Variants in SURF1 observed in about 807,000 individuals in gnomAD.
SURF1 encodes the protein surfeit locus protein 1.
Under a neutral mutation model 34.1 loss-of-function variants are expected in SURF1, and 45 were observed. The observed-to-expected ratio is 1.32, with a 90% CI of 1.04 to 1.69. SURF1 has a LOEUF of 1.69. Among genes scored for constraint, SURF1 ranks in the 40% most tolerant of loss-of-function variants. The probability of loss-of-function intolerance (pLI) is 0.00; values close to 1 mark genes in which losing one functional copy is unlikely to be tolerated. For synonymous variants in SURF1, 188 were observed against 147.5 expected (o/e 1.27, Z -1.99); for missense variants, 456 against 384.6 (o/e 1.19, Z -1.55).
At position 133,351,918 on chromosome 9, in the gene SURF1, C is replaced by G. The variant is rs2130002526; in HGVS notation, c.898G>C (p.Val300Leu). ...FKKFLRGTPG[V>L] The stretch of plus-strand genomic sequence containing the variant: ...GGGCTTCAGCAGCTGATCTGTCACA[C>G]ACCAGGTGTCCCACGTAGGAATTTC... Residue 300 changes from valine (V) to leucine (L), a missense_variant, in exon 9 of 9, where the codon GTG becomes CTG. Coordinates refer to ENST00000371974, the MANE Select transcript of SURF1 (RefSeq NM_003172.4). 6.2e-7 allele frequency: 1 copy of G among 1,613,646 alleles called. No homozygotes were observed. The highest frequency in any genetic ancestry group is 8.5e-7 in the Non-Finnish European group (1 of 1,179,888).
rs2130023495 is a variant in SURF1 at position 133,355,924 on chromosome 9, G to A, written c.106+345C>T. Among the ~76,000 whole-genome samples, 4 of 152,276 alleles carry A rather than the reference G, an allele frequency of 2.6e-5. No individual in the cohort carries two copies. The East Asian group carries it at 7.7e-4, about 29-fold the overall frequency. On this transcript the variant is annotated intron_variant, in intron 2 of 8. Transcript: ENST00000371974. ...CACTGAGAGGAACACGTAAGCCGCG[G>A]TGGTTAGATACGCTTTACTTTCAGA...
chr9:133,354,244 A>G, intron 4 of SURF1: 1 of 517,010 alleles, frequency 1.9e-6, no homozygotes, highest in East Asian at 3.6e-5. Flanking sequence ...CCCTGAATGG[A>G]AAATGTGGCT....
At chr9:133,353,404 G>A (rs955109852) in intron 5 of SURF1, among the ~76,000 whole-genome samples, 3 of 152,164 alleles carry the variant, frequency 2.0e-5, no homozygotes, top group Non-Finnish European at 4.4e-5. Flanking sequence ...GGTAGGGCTG[G>A]GGTCCTTTCT....
At position 133,356,400 on chromosome 9, in the gene SURF1, C is replaced by T. The variant is rs1836588805; in HGVS notation, c.54G>A (p.Arg18=). The T allele has an allele frequency of 7.3e-7, 1 of 1,370,200 alleles. No homozygotes were observed. Among genetic ancestry groups the T allele is most frequent in the Non-Finnish European group, 9.4e-7 (1 of 1,065,670 alleles). The allele number at this position is 1,370,200 out of a possible 1,614,324, so 84.9% of individuals were successfully genotyped here. A position where few individuals can be genotyped will look rare whatever the true frequency, so the allele number is the denominator to read the frequency against. ...QLGLRAAGLG[R]APASAAWRSV... is the part of the protein sequence containing the mutation. ...CCCGCACCCCGCACCCGGCGCTCAC[C>T]CGTCCCAGCCCCGCCGCCCGCAGCC... Residue 18 remains arginine (R), a splice_region_variant and synonymous_variant, in exon 1 of 9, where the codon CGG becomes CGA. Coordinates refer to ENST00000371974, the MANE Select transcript of SURF1 (RefSeq NM_003172.4).
At chr9:133,354,765 A>G in intron 3 of SURF1, 24 bp from the exon 4 acceptor site, 2 of 1,613,778 alleles carry the variant, frequency 1.2e-6, no homozygotes, top group Non-Finnish European at 1.7e-6. Flanking sequence ...GCATAAGGCC[A>G]AGCAGATGGC....
Position 133,356,469 on chromosome 9 carries a change from G to C in SURF1, c.-16C>G. 6 of 1,423,026 alleles carry C rather than the reference G, an allele frequency of 4.2e-6. No individual in the cohort carries two copies. The highest frequency in any genetic ancestry group is 4.6e-6 in the Non-Finnish European group (5 of 1,090,856). 88.1% of individuals were successfully genotyped at this position (1,423,026 alleles called of 1,614,324 possible). ...CCGCCGCCATCGCACCCGGCCCCGC[G>C]GGCGCTTCCGGGACGCAGGAAGCAT... On this transcript the variant is annotated 5_prime_UTR_variant, in exon 1 of 9. Transcript: ENST00000371974.
intron 4 of SURF1, chr9:133,354,281 T>G (rs2130016667): frequency 2.2e-5 from 11 of 490,082 alleles, no homozygotes; most frequent in Non-Finnish European, 3.7e-5. Context: ...GTAGGGCATA[T>G]TCTAGGGAGA....
At chr9:133,356,187 A>G in intron 2 of SURF1, 82 bp downstream of exon 2, 1 of 1,506,478 alleles carries the variant, frequency 6.6e-7, no homozygotes, top group Non-Finnish European at 8.9e-7. Flanking sequence ...TTCAATCCCC[A>G]CGACAACCCT....
chr9:133,351,870 A>G lies in SURF1; in HGVS notation c.*43T>C. 6.3e-7 allele frequency: 1 copy of G among 1,592,968 alleles called. No individual in the cohort carries two copies. On this transcript the variant is annotated 3_prime_UTR_variant, in exon 9 of 9. Coordinates refer to ENST00000371974, the MANE Select transcript of SURF1 (RefSeq NM_003172.4). ...ATGATCCAGCATAAAGGCAGTCTTG[A>G]AATACTGCATTATCCAGGGACAGGG...
chr9:133,352,648 G>A (rs2130008945), intron 6 of SURF1, 40 bp from the exon 7 acceptor site: 2 of 1,613,866 alleles, frequency 1.2e-6, no homozygotes, highest in Non-Finnish European at 1.7e-6. Context: ...GAGCCTGGTG[G>A]ACTCCCAGAG....
chr9:133,354,125 CAA>C, intron 4 of SURF1, 185 bp from the exon 5 acceptor site: 2 of 696,072 alleles, frequency 2.9e-6, no homozygotes, highest in Admixed American at 2.2e-5. Flanking sequence ...TCCAACTTTA[CAA>C]GAGAGGCTAA....
In SURF1 at chr9:133,356,314, C is replaced by T; in HGVS notation, c.61G>A (p.Ala21Thr). 6.6e-7 allele frequency: 1 copy of T among 1,521,406 alleles called. No individual in the cohort carries two copies. The highest frequency in any genetic ancestry group is 8.8e-7 in the Non-Finnish European group (1 of 1,141,334). The allele number at this position is 1,521,406 out of a possible 1,614,324, so 94.2% of individuals were successfully genotyped here. A position where few individuals can be genotyped will look rare whatever the true frequency, so the allele number is the denominator to read the frequency against. The change falls in exon 2 of 9, where the codon GCC becomes ACC. Residue 21 changes from alanine to threonine, a missense_variant. Ala to Thr is a moderately conservative substitution (Grantham distance 58, BLOSUM62 0). Coordinates refer to ENST00000371974, the MANE Select transcript of SURF1 (RefSeq NM_003172.4). The stretch of plus-strand genomic sequence containing the variant: ...AGGACGCTCCTCCAGGCGGCGCTGG[C>T]CGGGGCCTGCGGACACGGACGGGCG... ...LRAAGLGRAP[A>T]SAAWRSVLRV...
intron 5 of SURF1, among the ~76,000 whole-genome samples, chr9:133,353,271 C>G (rs1297488043): frequency 6.6e-6 from 1 of 152,178 alleles, no homozygotes; most frequent in Non-Finnish European, 1.5e-5. Context: ...GTGAATCCTC[C>G]AGTTCCCTAG....
rs2130027389 is a variant in SURF1 at position 133,356,486 on chromosome 9, A to C, written c.-33T>G. The C allele has an allele frequency of 8.4e-6, 12 of 1,433,468 alleles. No individual in the cohort carries two copies. The East Asian group carries it at 2.1e-4, about 26-fold the overall frequency. The allele number at this position is 1,433,468 out of a possible 1,614,324, so 88.8% of individuals were successfully genotyped here. On this transcript the variant is annotated 5_prime_UTR_variant, in exon 1 of 9. Transcript: ENST00000371974. ...GGCCCCGCGGGCGCTTCCGGGACGC[A>C]GGAAGCATCTGCATCCGGGGCGCCG... is the stretch of plus-strand genomic sequence containing the variant.
Position 133,354,821 on chromosome 9 carries a change from T to G in SURF1, c.240+3A>C. 1 of 1,613,798 alleles carries G rather than the reference T, an allele frequency of 6.2e-7. No individual in the cohort carries two copies. Among genetic ancestry groups the G allele is most frequent in the Non-Finnish European group, 8.5e-7 (1 of 1,180,006 alleles). On this transcript the variant is annotated splice_donor_region_variant and intron_variant, in intron 3 of 8. Coordinates refer to ENST00000371974, the MANE Select transcript of SURF1 (RefSeq NM_003172.4). ...GTTACGCACACCAGATGCCGGTCTT[T>G]ACCTGCCATGTCCCCAAGCCAAAGG...
intron 2 of SURF1, 148 bp from the exon 3 acceptor site, chr9:133,355,105 C>G (rs1220774648): frequency 3.8e-6 from 4 of 1,055,216 alleles, no homozygotes; most frequent in Non-Finnish European, 5.8e-6. Context: ...CAGCTCCTAA[C>G]CCGGTGCCCA....
At chr9:133,354,143 T>C (rs900009767) in intron 4 of SURF1, 4 of 660,368 alleles carry the variant, frequency 6.1e-6, no homozygotes, top group Non-Finnish European at 1.1e-5. Context: ...GCTAAAAATC[T>C]GGACTCCTCA....
Position 133,356,154 on chromosome 9 carries a change from C to T in SURF1, c.106+115G>A. 4 of 1,365,246 alleles carry T rather than the reference C, an allele frequency of 2.9e-6. No individual in the cohort carries two copies. The South Asian group carries it at 5.0e-5, about 17-fold the overall frequency. The allele number at this position is 1,365,246 out of a possible 1,614,324, so 84.6% of individuals were successfully genotyped here. A position where few individuals can be genotyped will look rare whatever the true frequency, so the allele number is the denominator to read the frequency against. ...GAACTTGTCACTCCCAGGGAGCCTC[C>T]GCTCAGCCGGCAGTTGGTTCATTTC... is the stretch of plus-strand genomic sequence containing the variant. On this transcript the variant is annotated intron_variant, in intron 2 of 8. Transcript: ENST00000371974.
rs2130010030 is a variant in SURF1, at chr9:133,352,768, T to C, written c.516-2A>G. 10 of 1,609,746 alleles carry C rather than the reference T, an allele frequency of 6.2e-6. No homozygotes were observed. The East Asian group carries it at 8.9e-5, about 14-fold the overall frequency. Reference sequence around the variant, plus strand: ...CCTCTATTTACCAGGATGGTGACTCTAGGGTAATGAAAGTGCTACTTCAGG... The same window carrying C: ...CCTCTATTTACCAGGATGGTGACTCCAGGGTAATGAAAGTGCTACTTCAGG... On this transcript the variant is annotated splice_acceptor_variant, in intron 5 of 8. Coordinates refer to ENST00000371974, the MANE Select transcript of SURF1 (RefSeq NM_003172.4). LOFTEE classifies it high-confidence loss of function.
Sources: gnomAD v4.1 joint callset for allele counts (sites outside exome capture counted in the v4.1 genomes callset) on GRCh38, gnomAD v4.1.1 for gene constraint, MANE v1.5 for transcripts, NCBI Gene and HGNC (gene_info 2026-07-23, HGNC 2026-07-21) for gene names.